SYN3: variants seen among roughly 807,000 people sequenced by gnomAD.
SYN3 encodes synapsin-3.
Under a neutral mutation model 65.8 loss-of-function variants are expected in SYN3, and 35 were observed. The ratio of observed to expected loss-of-function variants is 0.53; its 90% CI spans 0.41 to 0.70. The LOEUF is 0.70. SYN3 is among the 30% of genes least tolerant of loss of function. The probability of loss-of-function intolerance (pLI) is 0.00; values close to 1 mark genes in which losing one functional copy is unlikely to be tolerated. For missense variants in SYN3, 680 were observed against 749.0 expected (o/e 0.91, Z 1.08); for synonymous variants, 270 against 292.9 (o/e 0.92, Z 0.80).
intron 1 of SYN3, among the ~76,000 whole-genome samples, chr22:33,018,383 T>C (rs959362756): frequency 6.6e-6 from 1 of 152,122 alleles, no homozygotes; most frequent in African/African-American, 2.4e-5. Context: ...CGGGCTGGGA[T>C]AGAACCCAGT....
intron 12 of SYN3, among the ~76,000 whole-genome samples, chr22:32,523,739 A>C (rs2057929494): frequency 6.6e-6 from 1 of 152,226 alleles, no homozygotes; most frequent in South Asian, 2.1e-4. Flanking sequence ...TTTTAAATAA[A>C]AAAACTAGAA....
At chr22:32,590,268 T>C (rs1021568137) in intron 7 of SYN3, among the ~76,000 whole-genome samples, 1 of 152,222 alleles carries the variant, frequency 6.6e-6, no homozygotes, top group Non-Finnish European at 1.5e-5. Flanking sequence ...GTTTTCCTGG[T>C]TTTTAAATTT....
chr22:32,991,360 A>AATAATAATAATAATG (rs1556097837), intron 2 of SYN3, among the ~76,000 whole-genome samples: 9 of 148,744 alleles, frequency 6.1e-5, no homozygotes, highest in African/African-American at 2.0e-4. Flanking sequence ...TAATAATAAT[A>AATAATAATAATAATG]ATAATAATAA....
At chr22:32,527,051 A>G (rs1293644349) in intron 12 of SYN3, among the ~76,000 whole-genome samples, 2 of 152,206 alleles carry the variant, frequency 1.3e-5, no homozygotes, top group African/African-American at 4.8e-5. Context: ...ATTGCTTTTC[A>G]TCTTTTTACA....
chr22:32,749,103 C>G (rs1004811220), intron 6 of SYN3, among the ~76,000 whole-genome samples: 1 of 152,086 alleles, frequency 6.6e-6, no homozygotes, highest in Admixed American at 6.6e-5. Flanking sequence ...CTTTTACAGG[C>G]TAGGAAGTCC....
intron 3 of SYN3, among the ~76,000 whole-genome samples, chr22:32,933,610 T>C (rs1421213567): frequency 1.3e-5 from 2 of 152,096 alleles, no homozygotes; most frequent in Admixed American, 1.3e-4. Flanking sequence ...TGTTTGTTTG[T>C]TTGTTTTTTA....
intron 4 of SYN3, among the ~76,000 whole-genome samples, chr22:32,923,341 C>T (rs1178946764): frequency 2.0e-5 from 3 of 152,122 alleles, no homozygotes; most frequent in South Asian, 2.1e-4. Context: ...TCTGACCACA[C>T]GGTGAGGGAA....
chr22:32,537,438 T>C (rs1302696667), intron 9 of SYN3, among the ~76,000 whole-genome samples: 4 of 152,056 alleles, frequency 2.6e-5, no homozygotes, highest in Non-Finnish European at 5.9e-5. Flanking sequence ...GGATTACAGG[T>C]GTGAGCCACC....
intron 6 of SYN3, among the ~76,000 whole-genome samples, chr22:32,774,680 C>T (rs143729559): frequency 5.3e-5 from 8 of 152,272 alleles, no homozygotes; most frequent in African/African-American, 1.9e-4. Flanking sequence ...CCGCAAGCTC[C>T]GCCTCCGGGG....
At chr22:32,735,550 C>T (rs1602016882) in intron 6 of SYN3, among the ~76,000 whole-genome samples, 2 of 152,130 alleles carry the variant, frequency 1.3e-5, no homozygotes, top group South Asian at 2.1e-4. Flanking sequence ...TTTGTTTTTT[C>T]CCCCAGCTTC....
At chr22:32,873,194 G>A (rs1360900224) in intron 4 of SYN3, among the ~76,000 whole-genome samples, 3 of 152,074 alleles carry the variant, frequency 2.0e-5, no homozygotes, top group Non-Finnish European at 4.4e-5. Context: ...CAGGTGATCT[G>A]CCCACCTTGG....
At chr22:32,974,639 T>C (rs916755492) in intron 3 of SYN3, among the ~76,000 whole-genome samples, 30 of 152,142 alleles carry the variant, frequency 2.0e-4, no homozygotes, top group Non-Finnish European at 4.1e-4. Context: ...AGTGTCTCAC[T>C]AGCATTGTGT....
Position 33,035,342 on chromosome 22 carries a change from C to A in SYN3, c.-163+22950G>T, listed in dbSNP as rs868670902. 9.4e-4 allele frequency among the ~76,000 whole-genome samples: 103 copies of A among 109,184 alleles called. 4 individuals carry two copies. Among genetic ancestry groups the A allele is most frequent in the African/African-American group, 4.2e-3 (87 of 20,904 alleles). 71.6% of individuals were successfully genotyped at this position (109,184 alleles called of 152,430 possible). On this transcript the variant is annotated intron_variant, in intron 1 of 13. Coordinates refer to ENST00000358763, the MANE Select transcript of SYN3 (RefSeq NM_003490.4). ...TAAAAATCTCGGGACCCCCCCCCCC[C>A]CCGCCACCAAACTTCTTATGCAAAA...
intron 4 of SYN3, among the ~76,000 whole-genome samples, chr22:32,888,783 A>C (rs2146460624): frequency 6.6e-6 from 1 of 152,316 alleles, no homozygotes; most frequent in East Asian, 1.9e-4. Context: ...GGAAATGGTC[A>C]CTGGAGCATT....
At chr22:32,780,352 C>T (rs2046010504) in intron 6 of SYN3, among the ~76,000 whole-genome samples, 1 of 152,118 alleles carries the variant, frequency 6.6e-6, no homozygotes. Context: ...GGTGATCGGA[C>T]AACTGCTGTA....
intron 6 of SYN3, among the ~76,000 whole-genome samples, chr22:32,825,654 T>A (rs1601463775): frequency 2.6e-5 from 2 of 77,538 alleles, no homozygotes; most frequent in African/African-American, 1.1e-4. Flanking sequence ...CGAGTTTCCA[T>A]CTCAAAAAAA....
intron 6 of SYN3, among the ~76,000 whole-genome samples, chr22:32,776,445 C>G (rs2045909682): frequency 6.6e-6 from 1 of 152,200 alleles, no homozygotes; most frequent in Non-Finnish European, 1.5e-5. Flanking sequence ...TCAATATTCA[C>G]AACAGCACTA....
At chr22:32,952,961 T>G (rs760795434) in intron 3 of SYN3, among the ~76,000 whole-genome samples, 1 of 152,318 alleles carries the variant, frequency 6.6e-6, no homozygotes, top group Non-Finnish European at 1.5e-5. Flanking sequence ...GGTGCCTTCA[T>G]AGGGCAGTTG....
chr22:32,773,570 T>C (rs2045831279), intron 6 of SYN3, among the ~76,000 whole-genome samples: 1 of 152,198 alleles, frequency 6.6e-6, no homozygotes, highest in Non-Finnish European at 1.5e-5. Flanking sequence ...TTTCTGGATG[T>C]AATTGTTGGT....
Sources: allele counts gnomAD v4.1 joint callset (sites outside exome capture counted in the v4.1 genomes callset), GRCh38; gene constraint gnomAD v4.1.1; transcripts MANE v1.5; gene names NCBI Gene and HGNC (gene_info 2026-07-23, HGNC 2026-07-21).